The following ANKRD28 variants were observed in gnomAD, a reference collection of about 807,000 sequenced individuals.
ANKRD28 encodes the protein ankyrin repeat domain 28.
A neutral mutation model predicts 126.5 loss-of-function variants in ANKRD28; 44 were observed. That is an observed-to-expected ratio of 0.35 (90% CI 0.27 to 0.45). The LOEUF (loss-of-function observed/expected upper bound fraction) is 0.45. ANKRD28 is among the 20% of genes least tolerant of loss of function. The pLI, the probability that ANKRD28 is intolerant of heterozygous loss-of-function variation, is 1.00. For synonymous variants in ANKRD28, 442 were observed against 468.5 expected, an observed-to-expected ratio of 0.94 and a Z score of 0.73; for missense variants, 1,110 against 1,316.6, an observed-to-expected ratio of 0.84 and a Z score of 2.43.
In ANKRD28 at chr3:15,736,785, A is replaced by T. The variant is rs1169773456; in HGVS notation, c.552+248T>A. On this transcript the variant is annotated intron_variant, in intron 5 of 27. Transcript: ENST00000683139. ...ATATTTTTCCTGCCACAATAATAGA[A>T]CATACTTTTCCTGTTGTGTTAAGAG... is the stretch of plus-strand genomic sequence containing the variant. Among the ~76,000 whole-genome samples the T allele has an allele frequency of 5.3e-5, 8 of 152,318 alleles. No homozygotes were observed. The East Asian group carries it at 1.5e-3, about 29-fold the overall frequency.
intron 7 of ANKRD28, among the ~76,000 whole-genome samples, chr3:15,721,917 T>G (rs2073773950): frequency 6.6e-6 from 1 of 152,090 alleles, no homozygotes; most frequent in African/African-American, 2.4e-5. Context: ...GGCTAATATT[T>G]GTATTTTAGT....
chr3:15,808,288 C>T (rs1263187156), intron 1 of ANKRD28, among the ~76,000 whole-genome samples: 3 of 152,188 alleles, frequency 2.0e-5, no homozygotes, highest in African/African-American at 4.8e-5. Context: ...GTATTACTTC[C>T]TTCCATTTGA....
intron 7 of ANKRD28, 34 bp downstream of exon 7, chr3:15,724,348 C>T (rs1360713987): frequency 2.0e-6 from 3 of 1,536,988 alleles, no homozygotes; most frequent in Non-Finnish European, 2.6e-6. Context: ...TAAAAGGGTT[C>T]CATAATTTTA....
At chr3:15,822,120 C>G (rs2060955542) in intron 1 of ANKRD28, among the ~76,000 whole-genome samples, 1 of 152,214 alleles carries the variant, frequency 6.6e-6, no homozygotes. Flanking sequence ...TGGCCATATG[C>G]TCAGAGAAGA....
At chr3:15,808,040 G>A (rs569361957) in intron 1 of ANKRD28, among the ~76,000 whole-genome samples, 172 of 152,090 alleles carry the variant, frequency 1.1e-3, no homozygotes, top group African/African-American at 3.4e-3. Context: ...CCAATTTCAC[G>A]GACAAAAAAT....
At position 15,686,032 on chromosome 3, in the gene ANKRD28, A is replaced by C. The variant is rs1309984424; in HGVS notation, c.2139T>G (p.Asp713Glu). ...TATGCAACGCTGTCCTTCCCCACTT[A>C]TCTTTGGCATCTACATTTGCTCCTT... ...LNKGANVDAK[D>E]KWGRTALHRG... The change falls in exon 20 of 28, where the codon GAT becomes GAG. Residue 713 changes from aspartate to glutamate, a missense_variant. Coordinates refer to ENST00000683139, the MANE Select transcript of ANKRD28 (RefSeq NM_001349278.2). 6.2e-7 allele frequency: 1 copy of C among 1,613,712 alleles called. No individual in the cohort carries two copies. The highest frequency in any genetic ancestry group is 1.7e-5 in the Admixed American group (1 of 59,990).
intron 1 of ANKRD28, among the ~76,000 whole-genome samples, chr3:15,832,199 A>G (rs2061218576): frequency 6.6e-6 from 1 of 152,248 alleles, no homozygotes; most frequent in Admixed American, 6.5e-5. Context: ...AGGGAAATAA[A>G]TAGAATAAAG....
At chr3:15,800,802 G>C (rs1296796503), upstream of ANKRD28, among the ~76,000 whole-genome samples, 1 of 152,026 alleles carries the variant, frequency 6.6e-6, no homozygotes, top group Non-Finnish European at 1.5e-5. Flanking sequence ...GAAAGTACTA[G>C]CCCATGGTAT....
intron 7 of ANKRD28, among the ~76,000 whole-genome samples, chr3:15,723,805 A>G (rs1249787630): frequency 1.3e-5 from 2 of 152,182 alleles, no homozygotes; most frequent in African/African-American, 4.8e-5. Flanking sequence ...ACAAGGGAGT[A>G]AAGTACTTAT....
At chr3:15,783,241 C>T (rs911871053) in intron 2 of ANKRD28, among the ~76,000 whole-genome samples, 1 of 151,666 alleles carries the variant, frequency 6.6e-6, no homozygotes, top group Non-Finnish European at 1.5e-5. Context: ...CTCACAAGAA[C>T]ATTTGAAAAG....
chr3:15,815,674 G>A lies in ANKRD28; in HGVS notation c.28-20368C>T, dbSNP rs2125897987. 6.6e-6 allele frequency among the ~76,000 whole-genome samples: 1 copy of A among 152,208 alleles called. No individual in the cohort carries two copies. The highest frequency in any genetic ancestry group is 6.5e-5 in the Admixed American group (1 of 15,306). ...CATCTTTGTTATAGTAATTACTATTGTAGTAATTAATGCCTTCTAAAATGT... is the reference window on the plus strand; with the variant it reads ...CATCTTTGTTATAGTAATTACTATTATAGTAATTAATGCCTTCTAAAATGT... On this transcript the variant is annotated intron_variant, in intron 1 of 27. Transcript: ENST00000399451. The surrounding 1 kb of genome is among the most constrained non-coding windows in gnomAD (Gnocchi z 4.1).
chr3:15,715,522 C>T (rs567650437), intron 8 of ANKRD28, among the ~76,000 whole-genome samples: 1 of 152,286 alleles, frequency 6.6e-6, no homozygotes, highest in South Asian at 2.1e-4. Flanking sequence ...AACAAGCCAT[C>T]CAATTGACAA....
At chr3:15,720,892 T>C (rs369435652) in intron 8 of ANKRD28, 23 bp downstream of exon 8, 62 of 1,604,122 alleles carry the variant, frequency 3.9e-5, no homozygotes, top group Middle Eastern at 1.7e-4. Flanking sequence ...GAAATACTTA[T>C]AGATTCTGAT....
chr3:15,749,101 GTTTTTTT>G (rs869266246), intron 4 of ANKRD28, among the ~76,000 whole-genome samples: 5 of 53,054 alleles, frequency 9.4e-5, no homozygotes, highest in South Asian at 7.4e-4. Context: ...TTATGTTTTT[GTTTTTTT>G]TTTTTTTTTT....
At chr3:15,783,107 T>C (rs1345813277) in intron 2 of ANKRD28, among the ~76,000 whole-genome samples, 1 of 151,536 alleles carries the variant, frequency 6.6e-6, no homozygotes, top group Non-Finnish European at 1.5e-5. Context: ...AAAATAAAAC[T>C]TGAGCTTTTC....
At chr3:15,776,149 T>A (rs1192193721) in intron 2 of ANKRD28, among the ~76,000 whole-genome samples, 1 of 152,250 alleles carries the variant, frequency 6.6e-6, no homozygotes, top group Non-Finnish European at 1.5e-5. Context: ...GTACACTACA[T>A]ACTTCAAAAA....
chr3:15,722,554 T>C (rs2073840952), intron 7 of ANKRD28, among the ~76,000 whole-genome samples: 1 of 152,232 alleles, frequency 6.6e-6, no homozygotes, highest in African/African-American at 2.4e-5. Context: ...TGGTGAATTA[T>C]CAAACCTGAA....
intron 4 of ANKRD28, among the ~76,000 whole-genome samples, chr3:15,743,745 G>T (rs1472534255): frequency 6.6e-6 from 1 of 152,234 alleles, no homozygotes; most frequent in Non-Finnish European, 1.5e-5. Context: ...TAGCCAGCTA[G>T]TAGGAGGTGG....
At chr3:15,807,137 T>A (rs2060600806) in intron 1 of ANKRD28, among the ~76,000 whole-genome samples, 1 of 152,206 alleles carries the variant, frequency 6.6e-6, no homozygotes, top group South Asian at 2.1e-4. Flanking sequence ...TTATACTTCA[T>A]GGGATCCTAT....
Sources: allele counts gnomAD v4.1 joint callset (sites outside exome capture counted in the v4.1 genomes callset), GRCh38; gene constraint gnomAD v4.1.1; non-coding constraint Gnocchi (gnomAD v3.1); transcripts MANE v1.5; gene names NCBI Gene and HGNC (gene_info 2026-07-23, HGNC 2026-07-21).